Variants in TRAK1 observed in about 807,000 individuals in gnomAD.
The protein encoded by TRAK1 is trafficking kinesin protein 1.
Under a neutral mutation model 92.1 loss-of-function variants are expected in TRAK1, and 33 were observed. The ratio of observed to expected loss-of-function variants is 0.36; its 90% CI spans 0.27 to 0.48. The LOEUF (loss-of-function observed/expected upper bound fraction) is 0.48. Among genes scored for constraint, TRAK1 ranks in the 20% least tolerant of loss-of-function variants. The pLI, the probability that TRAK1 is intolerant of heterozygous loss-of-function variation, is 0.99. For missense variants in TRAK1, 1,123 were observed against 1,257.9 expected (o/e 0.89, Z 1.62); for synonymous variants, 521 against 517.3 (o/e 1.01, Z -0.10).
intron 13 of TRAK1, chr3:42,204,229 A>G (rs1281160259): frequency 4.1e-6 from 4 of 985,680 alleles, no homozygotes; most frequent in Admixed American, 6.1e-5. Context: ...TTGTCACTCA[A>G]AGATCATTGG....
chr3:42,219,791 T>TG (rs1320009321), intron 15 of TRAK1, among the ~76,000 whole-genome samples, 195 bp downstream of exon 15: 3 of 135,378 alleles, frequency 2.2e-5, no homozygotes, highest in African/African-American at 5.8e-5. Context: ...TATGTGTTTT[T>TG]TTTTTTTTTT....
intron 2 of TRAK1, chr3:42,160,569 G>T (rs4974003): frequency 0.67 from 751,760 of 1,118,214 alleles, 229,632 homozygotes; most frequent in East Asian, 0.76. Flanking sequence ...TTTTGTTTTT[G>T]TTTTTTTTTA....
chr3:42,095,044 C>T (rs1398833764), intron 1 of TRAK1, among the ~76,000 whole-genome samples: 1 of 152,240 alleles, frequency 6.6e-6, no homozygotes, highest in Non-Finnish European at 1.5e-5. Context: ...TCATGTTCAT[C>T]TCACCCAGAA....
intron 1 of TRAK1, among the ~76,000 whole-genome samples, chr3:42,058,449 T>A (rs1446148240): frequency 2.0e-5 from 3 of 152,074 alleles, no homozygotes; most frequent in Non-Finnish European, 4.4e-5. Flanking sequence ...GCAATTCTCC[T>A]GCCTCAGCCT....
At chr3:42,169,284 G>C (rs995817886) in intron 2 of TRAK1, among the ~76,000 whole-genome samples, 4 of 151,380 alleles carry the variant, frequency 2.6e-5, no homozygotes, top group Non-Finnish European at 4.4e-5. Flanking sequence ...ACTATAGCAT[G>C]CATGAACTTC....
intron 1 of TRAK1, among the ~76,000 whole-genome samples, chr3:42,046,936 T>C (rs1362706420): frequency 1.3e-5 from 2 of 152,168 alleles, no homozygotes; most frequent in Non-Finnish European, 2.9e-5. Context: ...TTTTTTAAAT[T>C]AGGATGGCCT....
chr3:42,089,461 C>T (rs1704869328), upstream of TRAK1, among the ~76,000 whole-genome samples: 1 of 152,130 alleles, frequency 6.6e-6, no homozygotes, highest in Admixed American at 6.5e-5. Context: ...TCTATAGAGA[C>T]CTGTAAGGAA....
chr3:42,090,878 G>A (rs1295078025), upstream of TRAK1, among the ~76,000 whole-genome samples: 1 of 152,180 alleles, frequency 6.6e-6, no homozygotes, highest in African/African-American at 2.4e-5. Context: ...ACACTCTTAT[G>A]CGTTTAAGGG....
intron 2 of TRAK1, among the ~76,000 whole-genome samples, chr3:42,147,137 T>C (rs1699421163): frequency 6.6e-6 from 1 of 152,044 alleles, no homozygotes; most frequent in Non-Finnish European, 1.5e-5. Context: ...GATAGGACAA[T>C]ATTAAAGACT....
intron 10 of TRAK1, among the ~76,000 whole-genome samples, chr3:42,198,862 A>G (rs1295127961): frequency 1.3e-5 from 2 of 151,110 alleles, no homozygotes; most frequent in African/African-American, 4.9e-5. Context: ...TCTGCATCCC[A>G]TCTCGTAGCC....
intron 1 of TRAK1, among the ~76,000 whole-genome samples, chr3:42,042,841 G>T (rs1455987290): frequency 6.6e-6 from 1 of 151,990 alleles, no homozygotes; most frequent in Non-Finnish European, 1.5e-5. Flanking sequence ...CTCTGGGGCG[G>T]GTCATCTGTT....
In TRAK1 at chr3:42,193,140, C is replaced by T. The variant is rs778344493; in HGVS notation, c.835C>T (p.Arg279Cys). 2.5e-5 allele frequency: 40 copies of T among 1,613,986 alleles called. No individual in the cohort carries two copies. The East Asian group carries it at 3.1e-4, about 13-fold the overall frequency. Residue 279 changes from arginine to cysteine, a missense_variant, in exon 8 of 16, where the codon CGC becomes TGC. Arg to Cys is a radical substitution (Grantham distance 180). Coordinates refer to ENST00000327628, the MANE Select transcript of TRAK1 (RefSeq NM_001042646.3). ...ELAKKTEDAA[R>C]QQEEITHLLS... ...GGCCAAGAAGACGGAAGATGCTGCC[C>T]GCCAGCAAGAGGAGATCACACACCT...
chr3:42,183,835 C>T (rs369755416), intron 3 of TRAK1, among the ~76,000 whole-genome samples: 2 of 152,190 alleles, frequency 1.3e-5, no homozygotes, highest in Admixed American at 6.5e-5. Context: ...GGTAGCAACT[C>T]GCTAAGTCTG....
At chr3:42,110,790 A>G (rs1455708051) in intron 1 of TRAK1, among the ~76,000 whole-genome samples, 2 of 152,214 alleles carry the variant, frequency 1.3e-5, no homozygotes, top group Non-Finnish European at 2.9e-5. Context: ...TGTTCAGTGA[A>G]GGTCCTGGCC....
intron 1 of TRAK1, among the ~76,000 whole-genome samples, chr3:42,099,491 C>T (rs181876765): frequency 6.6e-6 from 1 of 152,250 alleles, no homozygotes; most frequent in Non-Finnish European, 1.5e-5. Flanking sequence ...GATGATGGAA[C>T]GTTTGCGTGG....
At chr3:42,028,491 G>A (rs775418676) in intron 1 of TRAK1, among the ~76,000 whole-genome samples, 25 of 152,200 alleles carry the variant, frequency 1.6e-4, no homozygotes, top group Non-Finnish European at 3.2e-4. Flanking sequence ...AATAGATGTA[G>A]GATATGATAC....
intron 1 of TRAK1, among the ~76,000 whole-genome samples, chr3:42,058,013 A>G (rs1371227003): frequency 5.3e-5 from 8 of 152,162 alleles, no homozygotes; most frequent in Admixed American, 1.3e-4. Context: ...CTTTACTGCT[A>G]CCCAGGTTTG....
At chr3:42,138,471 T>C (rs1380898821) in intron 2 of TRAK1, among the ~76,000 whole-genome samples, 4 of 152,204 alleles carry the variant, frequency 2.6e-5, no homozygotes, top group Admixed American at 2.0e-4. Context: ...TCTCCTTCCT[T>C]ATCTTTTTCC....
intron 14 of TRAK1, chr3:42,211,239 G>A (rs1708993337): frequency 1.0e-6 from 1 of 985,066 alleles, no homozygotes; most frequent in African/African-American, 1.8e-5. Context: ...CCATTCCCCT[G>A]GCTAATTTCA....
Sources: allele counts gnomAD v4.1 joint callset (sites outside exome capture counted in the v4.1 genomes callset), GRCh38; gene constraint gnomAD v4.1.1; transcripts MANE v1.5; gene names NCBI Gene and HGNC (gene_info 2026-07-23, HGNC 2026-07-21).